INCENP: variants seen among roughly 807,000 people sequenced by gnomAD.
The protein encoded by INCENP is binds and activates aurora-B and -C in vivo and in vitro.
INCENP carries 43 observed loss-of-function variants against 107.3 expected under a neutral mutation model. The ratio of observed to expected loss-of-function variants is 0.40; its 90% CI spans 0.31 to 0.52. The LOEUF (loss-of-function observed/expected upper bound fraction) is 0.52, where lower values mean the gene tolerates loss of function less well. Among genes scored for constraint, INCENP ranks in the 20% least tolerant of loss-of-function variants. The probability of loss-of-function intolerance (pLI) is 0.53; values close to 1 mark genes in which losing one functional copy is unlikely to be tolerated. For missense variants in INCENP, 1,089 were observed against 1,250.9 expected, an observed-to-expected ratio of 0.87 and a Z score of 1.95; for synonymous variants, 488 against 494.4, an observed-to-expected ratio of 0.99 and a Z score of 0.17.
chr11:62,129,666 A>T, intron 3 of INCENP, 116 bp from the exon 4 acceptor site: 3 of 838,532 alleles, frequency 3.6e-6, no homozygotes, highest in Non-Finnish European at 5.4e-6. Flanking sequence ...TGGAACCCAG[A>T]TCTTTTGCCT....
At chr11:62,147,651 C>T (rs1257639865) in intron 15 of INCENP, among the ~76,000 whole-genome samples, 1 of 152,170 alleles carries the variant, frequency 6.6e-6, no homozygotes, top group Non-Finnish European at 1.5e-5. Flanking sequence ...TCCTGGGAAA[C>T]ACCGGGCAGC....
Position 62,151,922 on chromosome 11 carries a change from C to T in INCENP, c.2703C>T (p.Pro901=). ...RTSSAVWNSP[P]LQGARVPSSL... Reference sequence around the variant, plus strand: ...GCTCTGCTGTCTGGAACTCACCGCCCCTGCAGGGCGCCAGGGTCCCCAGCA... The same window carrying T: ...GCTCTGCTGTCTGGAACTCACCGCCTCTGCAGGGCGCCAGGGTCCCCAGCA... The change falls in exon 19 of 19, where the codon CCC becomes CCT. Residue 901 remains proline, a synonymous_variant. Transcript: ENST00000394818. 6.2e-7 allele frequency: 1 copy of T among 1,613,534 alleles called. No homozygotes were observed. The highest frequency in any genetic ancestry group is 8.5e-7 in the Non-Finnish European group (1 of 1,180,036).
intron 11 of INCENP, among the ~76,000 whole-genome samples, chr11:62,144,444 C>T (rs1192256089): frequency 1.3e-5 from 2 of 151,944 alleles, no homozygotes; most frequent in Admixed American, 6.6e-5. Flanking sequence ...TAGCATTTGT[C>T]AATATTTCCT....
At position 62,145,279 on chromosome 11, in the gene INCENP, A is replaced by G; in HGVS notation, c.1826A>G (p.Lys609Arg). ...IEQKFAQIDE[K>R]TEKAKEERLA... is the part of the protein sequence containing the mutation. ...CAGAAGTTTGCTCAGATCGACGAGA[A>G]GACTGAGAAGGTGGGAGCCTGGGCT... The change falls in exon 13 of 19, where the codon AAG becomes AGG. Residue 609 changes from lysine (K) to arginine (R), a missense_variant. Lys to Arg is a conservative substitution (Grantham distance 26, BLOSUM62 2). Coordinates refer to ENST00000394818, the MANE Select transcript of INCENP (RefSeq NM_001040694.2). 6.2e-7 allele frequency: 1 copy of G among 1,613,994 alleles called. No individual in the cohort carries two copies. The highest frequency in any genetic ancestry group is 8.5e-7 in the Non-Finnish European group (1 of 1,180,024).
Position 62,129,239 on chromosome 11 carries a change from C to T in INCENP, c.254+356C>T, listed in dbSNP as rs139523292. On this transcript the variant is annotated intron_variant, in intron 3 of 18. Transcript: ENST00000394818. ...AGACCACGTGCCTTGTCCCAGCCGT[C>T]ATATTGTCATGCTTGTTTTAGTCCC... Among the ~76,000 whole-genome samples, 298 of 152,244 alleles carry T rather than the reference C, an allele frequency of 2.0e-3. 2 individuals carry two copies. Among genetic ancestry groups the T allele is most frequent in the African/African-American group, 7.0e-3 (290 of 41,536 alleles).
chr11:62,149,434 A>G (rs1944326645), intron 17 of INCENP, among the ~76,000 whole-genome samples: 1 of 152,182 alleles, frequency 6.6e-6, no homozygotes, highest in East Asian at 1.9e-4. Context: ...TTTTCATTGC[A>G]GCATTGTTAA....
chr11:62,138,931 C>T lies in INCENP; in HGVS notation c.1217C>T (p.Thr406Met), dbSNP rs199829775. ...NGNNSWPHNDTEIANSTPNPK... is the reference protein window; with the variant it reads ...NGNNSWPHNDMEIANSTPNPK... ...AATAACTCGTGGCCCCACAATGACA[C>T]GGAGATTGCCAACAGCACACCCAAC... Residue 406 changes from threonine to methionine, a missense_variant, in exon 7 of 19, where the codon ACG becomes ATG. Transcript: ENST00000394818. 70 of 1,614,044 alleles carry T rather than the reference C, an allele frequency of 4.3e-5. No individual in the cohort carries two copies. Among genetic ancestry groups the T allele is most frequent in the African/African-American group, 1.2e-4 (9 of 75,044 alleles).
At chr11:62,148,935 G>T in intron 17 of INCENP, 89 bp downstream of exon 17, 1 of 739,970 alleles carries the variant, frequency 1.4e-6, no homozygotes, top group Non-Finnish European at 2.2e-6. Context: ...GCTGTGTTAG[G>T]CCCCTAAGGA....
intron 11 of INCENP, chr11:62,141,787 T>A: frequency 1.8e-6 from 1 of 561,904 alleles, no homozygotes; most frequent in Non-Finnish European, 3.2e-6. Context: ...CTTGATGTGT[T>A]CTCCACAGCC....
chr11:62,128,995 G>A, intron 3 of INCENP, 112 bp downstream of exon 3: 1 of 748,414 alleles, frequency 1.3e-6, no homozygotes, highest in Non-Finnish European at 2.3e-6. Context: ...CTGTAGGAGG[G>A]GTGGTGGGTA....
Position 62,128,767 on chromosome 11 carries a change from C to T in INCENP, c.141-3C>T, listed in dbSNP as rs1412525699. On this transcript the variant is annotated splice_polypyrimidine_tract_variant and splice_region_variant and intron_variant, in intron 2 of 18. Coordinates refer to ENST00000394818, the MANE Select transcript of INCENP (RefSeq NM_001040694.2). ...CGAGTGACACCCTCCTTGTGCCAAACAGAGAATTCAGCAAAGAGCCAGAGC... is the reference window on the plus strand; with the variant it reads ...CGAGTGACACCCTCCTTGTGCCAAATAGAGAATTCAGCAAAGAGCCAGAGC... 2 of 1,607,720 alleles carry T rather than the reference C, an allele frequency of 1.2e-6. No individual in the cohort carries two copies. Among genetic ancestry groups the T allele is most frequent in the Middle Eastern group, 1.7e-4 (1 of 6,050 alleles).
In INCENP at chr11:62,151,669, G is replaced by A. The variant is rs1944376176; in HGVS notation, c.2543-93G>A. On this transcript the variant is annotated intron_variant, in intron 18 of 18. Coordinates refer to ENST00000394818, the MANE Select transcript of INCENP (RefSeq NM_001040694.2). Reference sequence around the variant, plus strand: ...AGGGTGACAGAGCTCTCTGTAGGGAGGTTGGAGAGGGTGACAGGGCTCTGT... The same window carrying A: ...AGGGTGACAGAGCTCTCTGTAGGGAAGTTGGAGAGGGTGACAGGGCTCTGT... 1.4e-5 allele frequency: 14 copies of A among 1,010,382 alleles called. No homozygotes were observed. In the South Asian group the frequency reaches 2.0e-4, roughly 14 times the overall value. The allele number at this position is 1,010,382 out of a possible 1,614,324, so 62.6% of individuals were successfully genotyped here.
chr11:62,149,552 C>G (rs1944328909), intron 17 of INCENP, among the ~76,000 whole-genome samples: 1 of 152,108 alleles, frequency 6.6e-6, no homozygotes, highest in Admixed American at 6.5e-5. Flanking sequence ...GACACACTGA[C>G]CTGGAAGAAA....
chr11:62,145,839 T>TGTTGGGGTGCACCTG, intron 14 of INCENP, 88 bp downstream of exon 14: 1 of 1,420,966 alleles, frequency 7.0e-7, no homozygotes, highest in South Asian at 1.4e-5. Context: ...CACCCCACCT[T>TGTTGGGGTGCACCTG]GTGGGGTTGA....
At position 62,141,585 on chromosome 11, in the gene INCENP, G is replaced by A. The variant is rs550386318; in HGVS notation, c.1605+74G>A. On this transcript the variant is annotated intron_variant, in intron 11 of 18. Coordinates refer to ENST00000394818, the MANE Select transcript of INCENP (RefSeq NM_001040694.2). ...CCCGCTGTAGCCCCTTCCCTGCGTA[G>A]CTGACAGCACCTGTAGATGCACTAA... 3.8e-6 allele frequency: 6 copies of A among 1,562,790 alleles called. No homozygotes were observed. In the Admixed American group the frequency reaches 6.7e-5, roughly 17 times the overall value.
At position 62,137,780 on chromosome 11, in the gene INCENP, G is replaced by A. The variant is rs372132559; in HGVS notation, c.1064-52G>A. On this transcript the variant is annotated intron_variant, in intron 4 of 18. Transcript: ENST00000394818. ...CCGGTCCCCTGGACCCCTTAGAGTG[G>A]GACCTGTGTGGTCTCTGATGAGATC... The A allele has an allele frequency of 8.7e-5, 135 of 1,560,540 alleles. 1 individual carries two copies. Among genetic ancestry groups the A allele is most frequent in the Non-Finnish European group, 1.2e-4 (131 of 1,131,692 alleles).
At position 62,146,610 on chromosome 11, in the gene INCENP, C is replaced by T. The variant is rs565445984; in HGVS notation, c.1960-48C>T. On this transcript the variant is annotated intron_variant, in intron 14 of 18. Transcript: ENST00000394818. ...GGGGAGTAGGGCTGCTGTCCTGCCT[C>T]TCTGGCCTGGGCCTGGCCGCAGCAC... 25 of 1,546,772 alleles carry T rather than the reference C, an allele frequency of 1.6e-5. No homozygotes were observed. The African/African-American group carries it at 2.6e-4, about 16-fold the overall frequency.
intron 10 of INCENP, 45 bp downstream of exon 10, chr11:62,141,089 T>A (rs758224851): frequency 8.2e-6 from 13 of 1,584,790 alleles, no homozygotes; most frequent in Middle Eastern, 1.7e-4. Context: ...AGCTGGGCAG[T>A]GTGGCTGAAG....
In INCENP at chr11:62,140,734, T is replaced by C; in HGVS notation, c.1374T>C (p.Ser458=). ...RRKRSYKQAV[S]ELDEEQHLED... is the part of the protein sequence containing the mutation. Reference sequence around the variant, plus strand: ...AGCGCAGCTACAAGCAGGCCGTGAGTGAGCTGGACGAGGAGCAGCACCTGG... The same window carrying C: ...AGCGCAGCTACAAGCAGGCCGTGAGCGAGCTGGACGAGGAGCAGCACCTGG... Residue 458 remains serine, a synonymous_variant, in exon 9 of 19, where the codon AGT becomes AGC. Transcript: ENST00000394818. 1 of 1,594,812 alleles carries C rather than the reference T, an allele frequency of 6.3e-7. No individual in the cohort carries two copies.
Sources: allele counts gnomAD v4.1 joint callset (sites outside exome capture counted in the v4.1 genomes callset), GRCh38; gene constraint gnomAD v4.1.1; transcripts MANE v1.5; gene names NCBI Gene and HGNC (gene_info 2026-07-23, HGNC 2026-07-21).